MOB4: variants seen among roughly 807,000 people sequenced by gnomAD.
The protein encoded by MOB4 is MOB-like protein phocein.
MOB4 carries 4 observed loss-of-function variants against 32.2 expected under a neutral mutation model. That is an observed-to-expected ratio of 0.12 (90% CI 0.06 to 0.28). MOB4 has a LOEUF of 0.28. MOB4 is among the 10% of genes least tolerant of loss of function. MOB4 has a pLI of 1.00. For synonymous variants in MOB4, 88 were observed against 88.1 expected, an observed-to-expected ratio of 1.00 and a Z score of 0.01; for missense variants, 158 against 271.2, an observed-to-expected ratio of 0.58 and a Z score of 2.93.
At position 197,550,650 on chromosome 2, in the gene MOB4, G is replaced by A. The variant is rs1445819151; in HGVS notation, c.*4G>A. The A allele has an allele frequency of 1.3e-6, 2 of 1,584,786 alleles. No individual in the cohort carries two copies. Among genetic ancestry groups the A allele is most frequent in the Non-Finnish European group, 8.5e-7 (1 of 1,171,000 alleles). ...TTCTGGGGAAAGTGAAGCATGAAGG[G>A]AATCATAGGAAAAATGTACTGATCA... On this transcript the variant is annotated 3_prime_UTR_variant, in exon 8 of 8. Coordinates refer to ENST00000323303, the MANE Select transcript of MOB4 (RefSeq NM_015387.5).
intron 5 of MOB4, among the ~76,000 whole-genome samples, chr2:197,545,653 A>G (rs991914791): frequency 2.6e-5 from 4 of 152,268 alleles, no homozygotes; most frequent in East Asian, 1.9e-4. Flanking sequence ...ATAAGCCTTG[A>G]AAACATAATA....
At chr2:197,535,701 A>G (rs2086785376) in intron 3 of MOB4, 71 bp downstream of exon 3, 11 of 1,521,738 alleles carry the variant, frequency 7.2e-6, no homozygotes, top group Non-Finnish European at 8.9e-6. Context: ...ATAATTATGA[A>G]TTGTAAAATT....
chr2:197,527,793 TG>T (rs983773934), intron 2 of MOB4, among the ~76,000 whole-genome samples: 2 of 152,206 alleles, frequency 1.3e-5, no homozygotes, highest in Non-Finnish European at 2.9e-5. Context: ...TTAATCATGT[TG>T]GGGAAATTTC....
chr2:197,549,926 A>T (rs2087069525), intron 6 of MOB4, among the ~76,000 whole-genome samples: 1 of 152,062 alleles, frequency 6.6e-6, no homozygotes, highest in Non-Finnish European at 1.5e-5. Flanking sequence ...TAAAACAATA[A>T]TTCCTTTCAG....
Position 197,540,481 on chromosome 2 carries a change from C to T in MOB4, c.354+44C>T. ...GAGTAACTAATAAAATTATTATAGC[C>T]TAAATCTCTCTCAAGACAATGTTAG... On this transcript the variant is annotated intron_variant, in intron 5 of 7. Coordinates refer to ENST00000323303, the MANE Select transcript of MOB4 (RefSeq NM_015387.5). 2 of 1,497,282 alleles carry T rather than the reference C, an allele frequency of 1.3e-6. 1 individual carries two copies. Among genetic ancestry groups the T allele is most frequent in the Middle Eastern group, 3.6e-4 (2 of 5,628 alleles). The allele number at this position is 1,497,282 out of a possible 1,614,324, so 92.7% of individuals were successfully genotyped here. A position where few individuals can be genotyped will look rare whatever the true frequency, so the allele number is the denominator to read the frequency against.
At chr2:197,538,409 T>C (rs896336015) in intron 3 of MOB4, among the ~76,000 whole-genome samples, 8 of 150,274 alleles carry the variant, frequency 5.3e-5, no homozygotes, top group African/African-American at 1.7e-4. Flanking sequence ...TTTTTTTGCA[T>C]ACATCCTTTA....
At chr2:197,536,359 A>G (rs1298698229) in intron 3 of MOB4, among the ~76,000 whole-genome samples, 1 of 151,234 alleles carries the variant, frequency 6.6e-6, no homozygotes, top group Non-Finnish European at 1.5e-5. Flanking sequence ...GCATGCCTCT[A>G]AGCCTGGCTA....
At position 197,540,351 on chromosome 2, in the gene MOB4, A is replaced by T. The variant is rs761367038; in HGVS notation, c.268A>T (p.Ser90Cys). Residue 90 changes from serine (S) to cysteine (C), a missense_variant and splice_region_variant, in exon 5 of 8, where the codon AGT becomes TGT. Physicochemically the swap from Ser to Cys is moderately radical, Grantham distance 112. This residue lies in a region of MOB4 where 21 missense variants were observed against 19.8 expected (regional missense o/e 1.06). Coordinates refer to ENST00000323303, the MANE Select transcript of MOB4 (RefSeq NM_015387.5). ...TAAGAAATATAATTATTTTTAACAG[A>T]GTGAATGCCATCCAGATACTTGCAC... Reference protein sequence around the residue: ...ELNGLAVKLQSECHPDTCTQM... With the variant: ...ELNGLAVKLQCECHPDTCTQM... 26 of 1,569,348 alleles carry T rather than the reference A, an allele frequency of 1.7e-5. No homozygotes were observed. In the South Asian group the frequency reaches 3.1e-4, roughly 19 times the overall value.
chr2:197,540,364 C>T lies in MOB4; in HGVS notation c.281C>T (p.Pro94Leu), dbSNP rs1270836630. 10 of 1,581,032 alleles carry T rather than the reference C, an allele frequency of 6.3e-6. No individual in the cohort carries two copies. The highest frequency in any genetic ancestry group is 8.6e-6 in the Non-Finnish European group (10 of 1,168,554). ...TATTTTTAACAGAGTGAATGCCATCCAGATACTTGCACTCAAATGACAGCA... is the reference window on the plus strand; with the variant it reads ...TATTTTTAACAGAGTGAATGCCATCTAGATACTTGCACTCAAATGACAGCA... The part of the protein sequence containing the change: ...LAVKLQSECH[P>L]DTCTQMTATE... Residue 94 changes from proline to leucine, a missense_variant, in exon 5 of 8, where the codon CCA (proline) becomes CTA (leucine). Physicochemically the swap from Pro to Leu is moderately conservative, Grantham distance 98. Transcript: ENST00000323303.
chr2:197,529,383 G>A (rs760497319), intron 2 of MOB4, among the ~76,000 whole-genome samples: 3 of 151,074 alleles, frequency 2.0e-5, no homozygotes, highest in Admixed American at 1.3e-4. Context: ...ATAGAGTCTC[G>A]CTCTGTCACC....
intron 2 of MOB4, among the ~76,000 whole-genome samples, chr2:197,524,739 A>G (rs930239874): frequency 3.3e-5 from 5 of 151,430 alleles, no homozygotes; most frequent in Admixed American, 1.3e-4. Flanking sequence ...ATGGCCTCCC[A>G]AAGTGCTGGG....
chr2:197,535,276 A>G (rs1363848995), intron 2 of MOB4, among the ~76,000 whole-genome samples: 2 of 151,950 alleles, frequency 1.3e-5, no homozygotes, highest in Non-Finnish European at 2.9e-5. Context: ...TCCAAGTTCC[A>G]GTCCTGACAA....
intron 1 of MOB4, among the ~76,000 whole-genome samples, chr2:197,518,509 G>T (rs768042819): frequency 4.0e-5 from 6 of 150,842 alleles, no homozygotes; most frequent in Non-Finnish European, 7.4e-5. Context: ...TGATCTGCCC[G>T]CCTGGGCCTC....
chr2:197,548,631 T>C (rs1180991650), intron 6 of MOB4, among the ~76,000 whole-genome samples: 1 of 152,044 alleles, frequency 6.6e-6, no homozygotes, highest in African/African-American at 2.4e-5. Context: ...TAAATAATAA[T>C]AAAATAAAAG....
chr2:197,545,407 A>T (rs2086976508), intron 5 of MOB4, among the ~76,000 whole-genome samples: 1 of 152,110 alleles, frequency 6.6e-6, no homozygotes, highest in Non-Finnish European at 1.5e-5. Context: ...AATTTGTATT[A>T]TTTTTTATTG....
In MOB4 at chr2:197,543,448, GA is replaced by G. The variant is rs796606026; in HGVS notation, c.354+3022del. ...TCCTCCACAACCATGCTTGATAAGG[GA>G]AAAAAAAAAACCACCGTGAGAATGG... On this transcript the variant is annotated intron_variant, in intron 5 of 7. Coordinates refer to ENST00000323303, the MANE Select transcript of MOB4 (RefSeq NM_015387.5). Among the ~76,000 whole-genome samples the G allele has an allele frequency of 5.9e-3, 828 of 141,096 alleles. 8 individuals carry two copies. Among genetic ancestry groups the G allele is most frequent in the Non-Finnish European group, 7.1e-3 (458 of 64,488 alleles). The allele number at this position is 141,096 out of a possible 152,430, so 92.6% of individuals were successfully genotyped here. A position where few individuals can be genotyped will look rare whatever the true frequency, so the allele number is the denominator to read the frequency against.
At position 197,522,550 on chromosome 2, in the gene MOB4, C is replaced by T. The variant is rs187662945; in HGVS notation, c.61-1074C>T. ...TTCATCATGTTGGCCAGGCTGGTCT[C>T]GAACTCCTGACCTCAAGTGATCCTT... On this transcript the variant is annotated intron_variant, in intron 1 of 7. Transcript: ENST00000323303. Among the ~76,000 whole-genome samples the T allele has an allele frequency of 5.2e-4, 79 of 151,574 alleles. 2 individuals carry two copies. In the South Asian group the frequency reaches 8.2e-3, roughly 16 times the overall value.
intron 3 of MOB4, among the ~76,000 whole-genome samples, chr2:197,535,986 C>G (rs1047449601): frequency 4.0e-5 from 6 of 150,590 alleles, no homozygotes; most frequent in Non-Finnish European, 7.4e-5. Context: ...TGTGCCTCTA[C>G]CTCTTAGGCT....
chr2:197,517,969 G>A (rs1262878210), intron 1 of MOB4, among the ~76,000 whole-genome samples: 1 of 152,022 alleles, frequency 6.6e-6, no homozygotes, highest in Non-Finnish European at 1.5e-5. Context: ...GTGAAACCCC[G>A]TCTCTACTAA....
Sources: gnomAD v4.1 joint callset for allele counts (sites outside exome capture counted in the v4.1 genomes callset) on GRCh38, gnomAD v4.1.1 for gene constraint, gnomAD v4.1.1 regional missense constraint, MANE v1.5 for transcripts, NCBI Gene and HGNC (gene_info 2026-07-23, HGNC 2026-07-21) for gene names.